DMD: variants seen among roughly 807,000 people sequenced by gnomAD.
The protein encoded by DMD is dystrophin, also known as mutant dystrophin.
In DMD, 63 loss-of-function variants were observed where a neutral mutation model predicts 330.1. That is an observed-to-expected ratio of 0.19 (90% CI 0.16 to 0.24). The LOEUF is 0.24. Ranked by LOEUF, DMD falls within the 10% of genes least tolerant of loss-of-function variation. DMD has a pLI of 1.00. For missense variants in DMD, 3,344 were observed against 2,684.1 expected (o/e 1.25, Z -5.43); for synonymous variants, 1,223 against 959.8 (o/e 1.27, Z -5.07).
At chrX:32,529,378 A>AATTTTTTTTTTTTT (rs1569139194) in intron 17 of DMD, among the ~76,000 whole-genome samples, 1 of 73,060 alleles carries the variant, frequency 1.4e-5, no homozygotes, top group African/African-American at 5.4e-5. Context: ...GCAAAAATCA[A>AATTTTTTTTTTTTT]CTTTTTTTTT....
At chrX:32,105,878 G>C (rs2096561883) in intron 44 of DMD, among the ~76,000 whole-genome samples, 1 of 111,837 alleles carries the variant, frequency 8.9e-6, no homozygotes, top group Non-Finnish European at 1.9e-5. Context: ...TCACCATAAT[G>C]AATAATTTGT....
At chrX:31,849,558 G>A (rs1042897835) in intron 48 of DMD, among the ~76,000 whole-genome samples, 4 of 110,727 alleles carry the variant, frequency 3.6e-5, no homozygotes, top group Non-Finnish European at 7.6e-5. Flanking sequence ...GAGCTATCAC[G>A]TAGGGGAATG....
intron 1 of DMD, among the ~76,000 whole-genome samples, chrX:33,303,711 A>G (rs1300117287): frequency 1.8e-5 from 2 of 111,080 alleles, no homozygotes; most frequent in Non-Finnish European, 3.8e-5. Flanking sequence ...CTTGGCTCTC[A>G]TTCTTCTCCT....
At chrX:31,619,793 G>T (rs180709677) in intron 55 of DMD, among the ~76,000 whole-genome samples, 22 of 111,974 alleles carry the variant, frequency 2.0e-4, no homozygotes, top group African/African-American at 6.2e-4. Flanking sequence ...AGGTTTTAAA[G>T]GTTTTAATAC....
At chrX:31,685,045 G>A (rs2082599772) in intron 52 of DMD, among the ~76,000 whole-genome samples, 1 of 111,918 alleles carries the variant, frequency 8.9e-6, no homozygotes, top group South Asian at 3.7e-4. Flanking sequence ...CCTGCTTAAA[G>A]TAGCTTTAAC....
At chrX:32,538,890 C>A (rs1460474302) in intron 17 of DMD, among the ~76,000 whole-genome samples, 1 of 109,530 alleles carries the variant, frequency 9.1e-6, no homozygotes, top group Admixed American at 9.7e-5. Flanking sequence ...TATTTTTGGG[C>A]CCACCAGCAG....
intron 44 of DMD, among the ~76,000 whole-genome samples, chrX:32,173,847 G>A (rs944093102): frequency 1.5e-4 from 17 of 111,665 alleles, no homozygotes; most frequent in Non-Finnish European, 2.6e-4. Flanking sequence ...ACCTGTTGCT[G>A]TATTGTTCCA....
At chrX:33,324,227 G>A (rs1231827105) in intron 1 of DMD, among the ~76,000 whole-genome samples, 2 of 110,671 alleles carry the variant, frequency 1.8e-5, no homozygotes, top group Admixed American at 1.9e-4. Context: ...TGAGTGAGAC[G>A]GAGAAAAGAA....
intron 7 of DMD, among the ~76,000 whole-genome samples, chrX:32,742,379 C>T (rs1257825841): frequency 9.0e-6 from 1 of 111,678 alleles, no homozygotes; most frequent in East Asian, 2.8e-4. Flanking sequence ...CTAAGGATTC[C>T]ATGAGAACAA....
chrX:31,822,053 CTT>C (rs1479590489), intron 49 of DMD, among the ~76,000 whole-genome samples: 1 of 112,306 alleles, frequency 8.9e-6, no homozygotes, highest in Non-Finnish European at 1.9e-5. Flanking sequence ...CTGTGCCAGA[CTT>C]TGTGCCAGTT....
At chrX:32,575,304 C>G (rs936647647) in intron 13 of DMD, among the ~76,000 whole-genome samples, 50 of 112,142 alleles carry the variant, frequency 4.5e-4, no homozygotes, top group African/African-American at 1.6e-3. Context: ...AGGCAGTCAA[C>G]ATTTTCCTAC....
chrX:32,625,848 G>A (rs962858574), intron 11 of DMD, among the ~76,000 whole-genome samples: 1 of 111,507 alleles, frequency 9.0e-6, no homozygotes, highest in Non-Finnish European at 1.9e-5. Context: ...CAGGCTCTCA[G>A]GCCCAATTCC....
intron 44 of DMD, among the ~76,000 whole-genome samples, chrX:32,147,303 A>C (rs1361218091): frequency 8.9e-6 from 1 of 111,899 alleles, no homozygotes; most frequent in Non-Finnish European, 1.9e-5. Flanking sequence ...TAGCTAATAA[A>C]TCACAAAGCT....
intron 44 of DMD, among the ~76,000 whole-genome samples, chrX:32,175,509 C>A (rs1342519762): frequency 1.8e-5 from 2 of 110,679 alleles, no homozygotes; most frequent in East Asian, 5.7e-4. Flanking sequence ...CACAATAAAT[C>A]TTGCTGCTGC....
chrX:32,066,731 G>T (rs1385870776), intron 44 of DMD, among the ~76,000 whole-genome samples: 1 of 111,358 alleles, frequency 9.0e-6, no homozygotes, highest in Non-Finnish European at 1.9e-5. Context: ...ACACACTTAC[G>T]AAATAAATAA....
chrX:33,277,289 A>G (rs2053250233), intron 1 of DMD, among the ~76,000 whole-genome samples: 1 of 110,958 alleles, frequency 9.0e-6, no homozygotes, highest in Non-Finnish European at 1.9e-5. Context: ...GGACTAACTG[A>G]TAAATGGATA....
intron 44 of DMD, among the ~76,000 whole-genome samples, chrX:32,215,444 A>G (rs1009102208): frequency 3.6e-5 from 4 of 111,453 alleles, no homozygotes; most frequent in African/African-American, 1.3e-4. Flanking sequence ...AACCTTCTAC[A>G]TACAAATCTC....
At position 32,448,432 on chromosome X, in the gene DMD, C is replaced by T. The variant is rs751474913; in HGVS notation, c.3786+24G>A. ...TGACCATGTATTGACATATCATTGACAAAGACCAAGAAAAGCAACTGACTT... is the reference window on the plus strand; with the variant it reads ...TGACCATGTATTGACATATCATTGATAAAGACCAAGAAAAGCAACTGACTT... On this transcript the variant is annotated intron_variant, in intron 27 of 78. Transcript: ENST00000357033. 5.8e-6 allele frequency: 7 copies of T among 1,202,566 alleles called. No individual in the cohort carries two copies. The African/African-American group carries it at 1.2e-4, about 21-fold the overall frequency.
At chrX:31,962,201 C>T (rs908969367) in intron 45 of DMD, among the ~76,000 whole-genome samples, 4 of 111,497 alleles carry the variant, frequency 3.6e-5, no homozygotes, top group African/African-American at 1.3e-4. Flanking sequence ...CTACGTAAAA[C>T]ACTTGGAACA....
Sources: allele counts gnomAD v4.1 joint callset (sites outside exome capture counted in the v4.1 genomes callset), GRCh38; gene constraint gnomAD v4.1.1; transcripts MANE v1.5; gene names NCBI Gene and HGNC (gene_info 2026-07-23, HGNC 2026-07-21).